The following CRHR1 variants were observed in gnomAD, a reference collection of about 807,000 sequenced individuals.
CRHR1 encodes corticotropin releasing hormone receptor 1.
CRHR1 carries 28 observed loss-of-function variants against 56.0 expected under a neutral mutation model. The observed-to-expected ratio is 0.50, with a 90% CI of 0.37 to 0.69. CRHR1 has a LOEUF of 0.69. Among genes scored for constraint, CRHR1 ranks in the 30% least tolerant of loss-of-function variants. The pLI is 0.00. For missense variants in CRHR1, 376 were observed against 548.0 expected, an observed-to-expected ratio of 0.69 and a Z score of 3.13; for synonymous variants, 195 against 216.5, an observed-to-expected ratio of 0.90 and a Z score of 0.87.
At chr17:45,812,783 T>C (rs2061848051) in intron 2 of CRHR1, among the ~76,000 whole-genome samples, 1 of 152,104 alleles carries the variant, frequency 6.6e-6, no homozygotes, top group South Asian at 2.1e-4. Context: ...TCCCCACCTC[T>C]CTCCTGGCCC....
chr17:45,784,965 A>C lies in CRHR1; in HGVS notation c.33+388A>C, dbSNP rs1480446831. Among the ~76,000 whole-genome samples, 2 of 151,416 alleles carry C rather than the reference A, an allele frequency of 1.3e-5. No individual in the cohort carries two copies. The highest frequency in any genetic ancestry group is 3.9e-4 in the East Asian group (2 of 5,096). ...CTGGAGACTCTGAAGCGGGGTTCCC[A>C]CCTCGCCCCAGCGCCCCCAAACAGC... On this transcript the variant is annotated intron_variant, in intron 1 of 12. Coordinates refer to ENST00000314537, the MANE Select transcript of CRHR1 (RefSeq NM_004382.5). The surrounding 1 kb of genome is among the most constrained non-coding windows in gnomAD (Gnocchi z 4.2).
chr17:45,829,109 C>T, intron 4 of CRHR1, 106 bp from the exon 5 acceptor site: 1 of 811,756 alleles, frequency 1.2e-6, no homozygotes, highest in Non-Finnish European at 2.0e-6. Flanking sequence ...GGGGAGTGGC[C>T]CTTGAGATCA....
intron 8 of CRHR1, 121 bp downstream of exon 8, chr17:45,831,061 TATAA>T: frequency 1.1e-6 from 1 of 936,534 alleles, no homozygotes; most frequent in Non-Finnish European, 1.7e-6. Flanking sequence ...TTTCTGCATC[TATAA>T]AGGGAGAGAT....
intron 10 of CRHR1, 21 bp from the exon 11 acceptor site, chr17:45,833,693 T>TTGGGGGGGG: frequency 6.4e-7 from 1 of 1,571,616 alleles, no homozygotes; most frequent in Non-Finnish European, 8.7e-7. Flanking sequence ...ACTCCGAGCC[T>TTGGGGGGGG]CCCCACCCGC....
At chr17:45,796,961 T>C (rs2061528861) in intron 1 of CRHR1, among the ~76,000 whole-genome samples, 1 of 152,230 alleles carries the variant, frequency 6.6e-6, no homozygotes, top group Non-Finnish European at 1.5e-5. Flanking sequence ...AGCAAGTGAA[T>C]GCATGAGAGG....
At chr17:45,790,619 A>T (rs2061409158) in intron 1 of CRHR1, among the ~76,000 whole-genome samples, 1 of 152,146 alleles carries the variant, frequency 6.6e-6, no homozygotes, top group Non-Finnish European at 1.5e-5. Context: ...AGCCTCAGCG[A>T]GGTGCTTTGA....
chr17:45,803,775 T>TGTGTGTGTGCGCGC (rs71138510), intron 1 of CRHR1, among the ~76,000 whole-genome samples: 22 of 150,336 alleles, frequency 1.5e-4, no homozygotes, highest in African/African-American at 3.9e-4. Flanking sequence ...TGTGTGTGTG[T>TGTGTGTGTGCGCGC]GCGTGCGCGT....
intron 1 of CRHR1, among the ~76,000 whole-genome samples, chr17:45,806,324 G>T (rs372399007): frequency 3.3e-4 from 50 of 152,354 alleles, no homozygotes; most frequent in African/African-American, 1.2e-3. Context: ...CTAGAATAGG[G>T]TGTCCATCTT....
Position 45,819,635 on chromosome 17 carries a change from G to A in CRHR1, c.242-1720G>A, listed in dbSNP as rs577843453. On this transcript the variant is annotated intron_variant, in intron 3 of 12. Coordinates refer to ENST00000314537, the MANE Select transcript of CRHR1 (RefSeq NM_004382.5). ...CCCACTGGGTGAGCCTCAGCCCTCC[G>A]GTAACTCATCCCTCATTTGGCAATT... Among the ~76,000 whole-genome samples, 7 of 151,630 alleles carry A rather than the reference G, an allele frequency of 4.6e-5. No homozygotes were observed. The East Asian group carries it at 1.2e-3, about 25-fold the overall frequency.
At chr17:45,830,699 G>A (rs551571601) in intron 7 of CRHR1, 129 bp downstream of exon 7, 13 of 1,281,412 alleles carry the variant, frequency 1.0e-5, no homozygotes, top group South Asian at 5.7e-5. Flanking sequence ...AGGTGTGCAC[G>A]ATAGCCCTCT....
intron 1 of CRHR1, among the ~76,000 whole-genome samples, chr17:45,801,683 A>G (rs886724230): frequency 2.0e-5 from 3 of 152,190 alleles, no homozygotes; most frequent in African/African-American, 7.2e-5. Context: ...TACTAGTTGG[A>G]AGATAGTAAA....
chr17:45,803,175 G>A (rs2061655309), intron 1 of CRHR1, among the ~76,000 whole-genome samples: 2 of 152,284 alleles, frequency 1.3e-5, no homozygotes, highest in South Asian at 4.1e-4. Context: ...CATGGGCAGA[G>A]GGTTGCAGAC....
At chr17:45,811,254 G>C (rs1354622710) in intron 2 of CRHR1, among the ~76,000 whole-genome samples, 1 of 152,226 alleles carries the variant, frequency 6.6e-6, no homozygotes, top group Non-Finnish European at 1.5e-5. Flanking sequence ...CACTAAATAG[G>C]CCACCTTCAA....
At chr17:45,802,943 C>T (rs1408153705) in intron 1 of CRHR1, among the ~76,000 whole-genome samples, 1 of 152,186 alleles carries the variant, frequency 6.6e-6, no homozygotes, top group East Asian at 1.9e-4. Flanking sequence ...AGGTGGTTTT[C>T]GTGCACTTAG....
chr17:45,798,549 A>C (rs974735827), intron 1 of CRHR1, among the ~76,000 whole-genome samples: 9 of 151,264 alleles, frequency 5.9e-5, no homozygotes, highest in African/African-American at 2.2e-4. Context: ...AAAAAAAGCC[A>C]AACACAGGCC....
At chr17:45,786,212 G>A (rs2061333638) in intron 1 of CRHR1, among the ~76,000 whole-genome samples, 1 of 149,374 alleles carries the variant, frequency 6.7e-6, no homozygotes, top group Non-Finnish European at 1.5e-5. Context: ...TCTCTGTTTA[G>A]AATGATCATG....
intron 3 of CRHR1, among the ~76,000 whole-genome samples, chr17:45,818,990 T>C (rs148795952): frequency 9.9e-5 from 15 of 152,204 alleles, no homozygotes; most frequent in African/African-American, 3.1e-4. Flanking sequence ...TTTCTCCCCA[T>C]CAAAGCCTGC....
Position 45,784,624 on chromosome 17 carries a change from T to C in CRHR1, c.33+47T>C. 1 of 1,525,010 alleles carries C rather than the reference T, an allele frequency of 6.6e-7. No homozygotes were observed. The highest frequency in any genetic ancestry group is 8.8e-7 in the Non-Finnish European group (1 of 1,134,596). 94.5% of individuals were successfully genotyped at this position (1,525,010 alleles called of 1,614,324 possible). On this transcript the variant is annotated intron_variant, in intron 1 of 12. Coordinates refer to ENST00000314537, the MANE Select transcript of CRHR1 (RefSeq NM_004382.5). This position sits in a 1 kb window ranked among gnomAD's most constrained non-coding sequence, Gnocchi z 4.2. ...CTCGAGCGCTGGCGCCCCCGGCCCC[T>C]GGCGGACGCGGGACGGGGCTGGGCT...
At chr17:45,785,058 C>T (rs553464184) in intron 1 of CRHR1, among the ~76,000 whole-genome samples, 3 of 152,296 alleles carry the variant, frequency 2.0e-5, no homozygotes, top group Non-Finnish European at 4.4e-5. Context: ...CCGCGGCGAG[C>T]TGCGAGTCCG....
Sources: gnomAD v4.1 joint callset for allele counts (sites outside exome capture counted in the v4.1 genomes callset) on GRCh38, gnomAD v4.1.1 for gene constraint, Gnocchi (gnomAD v3.1) non-coding constraint, MANE v1.5 for transcripts, NCBI Gene and HGNC (gene_info 2026-07-23, HGNC 2026-07-21) for gene names.